Variants in WWOX observed in about 807,000 individuals in gnomAD.
WWOX encodes the protein WW domain-containing oxidoreductase.
Under a neutral mutation model 46.2 loss-of-function variants are expected in WWOX, and 69 were observed. The ratio of observed to expected loss-of-function variants is 1.49; its 90% CI spans 1.23 to 1.82. The LOEUF is 1.82. WWOX is among the 40% of genes most tolerant of loss of function. The probability of loss-of-function intolerance (pLI) is 0.00; values close to 1 mark genes in which losing one functional copy is unlikely to be tolerated. For synonymous variants in WWOX, 359 were observed against 202.6 expected (o/e 1.77, Z -6.56); for missense variants, 919 against 542.6 (o/e 1.69, Z -6.89).
chr16:78,676,759 A>G (rs1228813085), intron 8 of WWOX, among the ~76,000 whole-genome samples: 1 of 152,194 alleles, frequency 6.6e-6, no homozygotes, highest in Non-Finnish European at 1.5e-5. Flanking sequence ...GTCTTCTTTT[A>G]TTGAAATAAA....
At position 78,099,723 on chromosome 16, in the gene WWOX, G is replaced by C; in HGVS notation, c.-56G>C. The C allele has an allele frequency of 6.6e-7, 1 of 1,505,142 alleles. No individual in the cohort carries two copies. The highest frequency in any genetic ancestry group is 1.4e-5 in the African/African-American group (1 of 70,730). 93.2% of individuals were successfully genotyped at this position (1,505,142 alleles called of 1,614,324 possible). A position where few individuals can be genotyped will look rare whatever the true frequency, so the allele number is the denominator to read the frequency against. ...TCGTTTGGAGCGGGAGTGAGTTCCT[G>C]AGCGAGTGGACCCGGCAGCGGGCGA... On this transcript the variant is annotated 5_prime_UTR_variant, in exon 1 of 9. Coordinates refer to ENST00000566780, the MANE Select transcript of WWOX (RefSeq NM_016373.4).
intron 5 of WWOX, among the ~76,000 whole-genome samples, chr16:78,267,756 C>T (rs1036691671): frequency 4.6e-5 from 7 of 151,888 alleles, no homozygotes; most frequent in Admixed American, 2.6e-4. Context: ...TCTGTTCCAC[C>T]TGATTGATTG....
At chr16:78,573,874 T>A (rs2044781040) in intron 8 of WWOX, among the ~76,000 whole-genome samples, 1 of 152,194 alleles carries the variant, frequency 6.6e-6, no homozygotes, top group African/African-American at 2.4e-5. Context: ...ACAGCACACA[T>A]TTATTATTTC....
chr16:79,037,278 C>G (rs924629566), intron 8 of WWOX, among the ~76,000 whole-genome samples: 2 of 152,144 alleles, frequency 1.3e-5, no homozygotes, highest in Non-Finnish European at 2.9e-5. Flanking sequence ...TGCTTCTTTT[C>G]CTACCCTGCC....
intron 8 of WWOX, among the ~76,000 whole-genome samples, chr16:79,020,332 C>G (rs1355023915): frequency 1.3e-5 from 2 of 152,266 alleles, no homozygotes; most frequent in African/African-American, 2.4e-5. Flanking sequence ...GTGATCAAAA[C>G]TATGGAGTCT....
chr16:79,100,056 G>A (rs1444821941), intron 8 of WWOX, among the ~76,000 whole-genome samples: 2 of 152,084 alleles, frequency 1.3e-5, no homozygotes, highest in Non-Finnish European at 1.5e-5. Flanking sequence ...GATTGACTCC[G>A]TCACACTCAG....
chr16:78,391,139 G>T (rs142769600), intron 6 of WWOX, among the ~76,000 whole-genome samples: 2 of 152,282 alleles, frequency 1.3e-5, no homozygotes, highest in African/African-American at 4.8e-5. Context: ...GCCTTCTGTG[G>T]GAGATGGGGA....
chr16:78,938,745 G>C (rs2045793033), intron 8 of WWOX, among the ~76,000 whole-genome samples: 1 of 152,260 alleles, frequency 6.6e-6, no homozygotes, highest in Middle Eastern at 3.4e-3. Context: ...GAATGAGTGA[G>C]CAAGATACAG....
intron 8 of WWOX, chr16:78,898,739 C>T (rs946996149): frequency 3.3e-5 from 5 of 152,070 alleles, no homozygotes; most frequent in African/African-American, 9.7e-5. Context: ...GCGTTACCAT[C>T]CATGAGCATG....
At chr16:79,174,597 G>A in intron 8 of WWOX, among the ~76,000 whole-genome samples, 1 of 152,170 alleles carries the variant, frequency 6.6e-6, no homozygotes, top group East Asian at 1.9e-4. Context: ...TCAGTGAGCC[G>A]AGATCGCACC....
intron 8 of WWOX, among the ~76,000 whole-genome samples, chr16:79,170,385 G>A (rs1033180231): frequency 2.6e-5 from 4 of 152,194 alleles, no homozygotes; most frequent in Admixed American, 1.3e-4. Flanking sequence ...GACTCCAGAA[G>A]CACTTTCCTC....
chr16:78,912,128 A>G (rs554134277), intron 8 of WWOX, among the ~76,000 whole-genome samples: 2 of 151,922 alleles, frequency 1.3e-5, no homozygotes, highest in Non-Finnish European at 2.9e-5. Flanking sequence ...CAACTTCCTC[A>G]TGTATAAAGT....
At chr16:79,110,344 C>A (rs764095014) in intron 8 of WWOX, among the ~76,000 whole-genome samples, 1 of 152,138 alleles carries the variant, frequency 6.6e-6, no homozygotes, top group East Asian at 1.9e-4. Context: ...CCAACCTCCC[C>A]CCATCATTCC....
intron 8 of WWOX, among the ~76,000 whole-genome samples, chr16:78,612,506 T>C (rs759390356): frequency 3.9e-5 from 6 of 152,178 alleles, no homozygotes; most frequent in Non-Finnish European, 5.9e-5. Context: ...TAGACAGAGC[T>C]CAATCTTTTG....
intron 8 of WWOX, among the ~76,000 whole-genome samples, chr16:78,479,776 C>G (rs963385942): frequency 1.3e-5 from 2 of 152,170 alleles, no homozygotes; most frequent in Non-Finnish European, 2.9e-5. Flanking sequence ...AGGCAGGATT[C>G]ATGGAGTTTT....
At position 78,619,984 on chromosome 16, in the gene WWOX, C is replaced by G. The variant is rs559065321; in HGVS notation, c.1056+187232C>G. 8.5e-5 allele frequency among the ~76,000 whole-genome samples: 13 copies of G among 152,286 alleles called. No homozygotes were observed. The South Asian group carries it at 2.3e-3, about 27-fold the overall frequency. On this transcript the variant is annotated intron_variant, in intron 8 of 8. Coordinates refer to ENST00000566780, the MANE Select transcript of WWOX (RefSeq NM_016373.4). ...TATCTGAGTTCCTGTAGCATGTGCA[C>G]TACTCCTGATTAACCAAGTGAAAGA...
In WWOX at chr16:78,963,751, A is replaced by C. The variant is rs547552063; in HGVS notation, c.1057-247857A>C. ...TTGTTTTTTCCATTTTAAGATACAG[A>C]AAGTGGGCCTTAAAGGTGCTACTGA... is the stretch of plus-strand genomic sequence containing the variant. On this transcript the variant is annotated intron_variant, in intron 8 of 8. Transcript: ENST00000566780. 4.6e-5 allele frequency among the ~76,000 whole-genome samples: 7 copies of C among 152,336 alleles called. No individual in the cohort carries two copies. In the South Asian group the frequency reaches 1.4e-3, roughly 32 times the overall value.
intron 8 of WWOX, among the ~76,000 whole-genome samples, chr16:79,156,012 A>G (rs1597428435): frequency 1.3e-5 from 2 of 152,176 alleles, no homozygotes; most frequent in East Asian, 3.9e-4. Flanking sequence ...TCACTATTAA[A>G]AGAGAAAAAT....
At chr16:78,896,224 A>G (rs1180780123) in intron 8 of WWOX, 1 of 140,398 alleles carries the variant, frequency 7.1e-6, no homozygotes, top group Non-Finnish European at 1.5e-5. Context: ...TACCCATTTG[A>G]AAAAAAAAAA....
Sources: gnomAD v4.1 joint callset for allele counts (sites outside exome capture counted in the v4.1 genomes callset) on GRCh38, gnomAD v4.1.1 for gene constraint, MANE v1.5 for transcripts, NCBI Gene and HGNC (gene_info 2026-07-23, HGNC 2026-07-21) for gene names.